Variants in ZNF808 observed in about 807,000 individuals in gnomAD.
ZNF808 encodes zinc finger protein 808.
Under a neutral mutation model 8.7 loss-of-function variants are expected in ZNF808, and 5 were observed. That is an observed-to-expected ratio of 0.58 (90% confidence interval 0.30 to 1.21). The LOEUF (loss-of-function observed/expected upper bound fraction) is 1.21, where lower values mean the gene tolerates loss of function less well. Ranked by LOEUF, ZNF808 falls within the 50% of genes most tolerant of loss-of-function variation. The pLI is 0.07. For synonymous variants in ZNF808, 380 were observed against 366.0 expected, an observed-to-expected ratio of 1.04 and a Z score of -0.44; for missense variants, 1,103 against 1,098.4, an observed-to-expected ratio of 1.00 and a Z score of -0.06.
intron 2 of ZNF808, among the ~76,000 whole-genome samples, chr19:52,535,536 A>T (rs1378277211): frequency 2.0e-5 from 3 of 152,060 alleles, no homozygotes; most frequent in Non-Finnish European, 4.4e-5. Flanking sequence ...TTTAGGCAGC[A>T]GGTGGTGACC....
At chr19:52,536,015 G>A in intron 2 of ZNF808, 1 of 166,202 alleles carries the variant, frequency 6.0e-6, no homozygotes, top group Non-Finnish European at 1.3e-5. Context: ...CCCCGAGGCG[G>A]ATCGCGTGGA....
At chr19:52,531,072 C>T (rs1184084387) in intron 1 of ZNF808, among the ~76,000 whole-genome samples, 3 of 152,166 alleles carry the variant, frequency 2.0e-5, no homozygotes, top group Non-Finnish European at 2.9e-5. Flanking sequence ...TCTCTTTAGG[C>T]AGGAGAATCA....
downstream of ZNF808, among the ~76,000 whole-genome samples, chr19:52,561,163 TCTCTCTCTCTCTCTCTCTCTCTCTC>T (rs2059855379): frequency 2.5e-4 from 17 of 67,158 alleles, no homozygotes; most frequent in East Asian, 8.7e-4. Context: ...ATCTGTTCTC[TCTCTCTCTCTCTCTCTCTCTCTCTC>T]TCTCTCTCTC....
intron 2 of ZNF808, among the ~76,000 whole-genome samples, chr19:52,537,854 T>C (rs685200): frequency 0.33 from 49,441 of 151,710 alleles, 8,663 homozygotes; most frequent in East Asian, 0.51. Context: ...GAGCCATGTA[T>C]GTTCTATAAA....
intron 1 of ZNF808, among the ~76,000 whole-genome samples, chr19:52,529,393 T>C (rs1016975759): frequency 2.6e-5 from 4 of 151,906 alleles, no homozygotes; most frequent in Admixed American, 1.3e-4. Context: ...AAAGAAAAAA[T>C]GGGGCGAGAG....
chr19:52,528,415 CAG>C (rs1191373770), intron 1 of ZNF808, among the ~76,000 whole-genome samples: 2 of 151,830 alleles, frequency 1.3e-5, no homozygotes, highest in Non-Finnish European at 2.9e-5. Flanking sequence ...AAACCTGAGA[CAG>C]AGAAAGAATA....
intron 3 of ZNF808, among the ~76,000 whole-genome samples, chr19:52,544,844 C>T (rs369892337): frequency 6.6e-6 from 1 of 152,074 alleles, no homozygotes; most frequent in Non-Finnish European, 1.5e-5. Context: ...ATTGTAGTGG[C>T]GGCATCTCAG....
chr19:52,528,562 AG>A (rs1278061272), intron 1 of ZNF808, among the ~76,000 whole-genome samples: 1 of 152,192 alleles, frequency 6.6e-6, no homozygotes, highest in Non-Finnish European at 1.5e-5. Flanking sequence ...TGTAGAGAAA[AG>A]CTAGATGTAC....
chr19:52,538,651 GC>G (rs1488387446), intron 2 of ZNF808, among the ~76,000 whole-genome samples: 1 of 143,112 alleles, frequency 7.0e-6, no homozygotes, highest in East Asian at 2.2e-4. Flanking sequence ...AAAGAATGGA[GC>G]AAAACAGGAG....
At chr19:52,530,754 C>G (rs1303764549) in intron 1 of ZNF808, among the ~76,000 whole-genome samples, 3 of 152,120 alleles carry the variant, frequency 2.0e-5, no homozygotes, top group African/African-American at 7.2e-5. Flanking sequence ...GAGCAAATCA[C>G]TGAAGGCCAG....
downstream of ZNF808, chr19:52,556,855 G>A (rs998739764): frequency 6.6e-6 from 1 of 152,110 alleles, no homozygotes; most frequent in Admixed American, 6.5e-5. Flanking sequence ...TCTTCAGCTG[G>A]GAGCTATTTA....
rs182037617 is a variant in ZNF808 at position 52,536,604 on chromosome 19, A to G, written c.-20+3595A>G. Among the ~76,000 whole-genome samples, 628 of 152,236 alleles carry G rather than the reference A, an allele frequency of 4.1e-3. 3 individuals are homozygous for G. The highest frequency in any genetic ancestry group is 0.014 in the African/African-American group (585 of 41,530). On this transcript the variant is annotated intron_variant, in intron 2 of 4. Transcript: ENST00000359798. ...AGGGCAGGTCCCAGCGGCTTGTCCT[A>G]TGACACCGGGTATTCTTGCCTGCCC...
intron 1 of ZNF808, among the ~76,000 whole-genome samples, chr19:52,531,251 A>T (rs570306848): frequency 4.6e-4 from 70 of 152,256 alleles, no homozygotes; most frequent in African/African-American, 1.6e-3. Context: ...ATGTGGGCGA[A>T]TCACCTGAGG....
exon 4 of ZNF808, chr19:52,564,023 CCCT>C (rs149830386): frequency 0.095 from 49,803 of 525,944 alleles, 4,423 homozygotes; most frequent in African/African-American, 0.35. Context: ...AGGTCTAGCC[CCCT>C]CTCCTCCTTT....
At chr19:52,567,580 A>G (rs932097472), downstream of ZNF808, among the ~76,000 whole-genome samples, 1 of 150,712 alleles carries the variant, frequency 6.6e-6, no homozygotes, top group Non-Finnish European at 1.5e-5. Context: ...GCTGGAGTAC[A>G]ATGTCATGAT....
At chr19:52,552,689 T>C (rs1047418950) in intron 4 of ZNF808, among the ~76,000 whole-genome samples, 2 of 145,504 alleles carry the variant, frequency 1.4e-5, no homozygotes, top group Non-Finnish European at 3.0e-5. Flanking sequence ...TTTACCAATA[T>C]AGTATGTTGT....
chr19:52,533,842 CCAAAA>C (rs1487018842), intron 2 of ZNF808, among the ~76,000 whole-genome samples: 2 of 55,240 alleles, frequency 3.6e-5, no homozygotes, highest in African/African-American at 1.5e-4. Context: ...GACTCCGTCT[CCAAAA>C]AAAAAAAAAA....
At chr19:52,533,749 A>G (rs1215664394) in intron 2 of ZNF808, among the ~76,000 whole-genome samples, 2 of 148,338 alleles carry the variant, frequency 1.3e-5, no homozygotes, top group Non-Finnish European at 3.0e-5. Flanking sequence ...CCAGCTACTC[A>G]GGAAAATTGT....
chr19:52,561,336 C>T (rs934293717), downstream of ZNF808, among the ~76,000 whole-genome samples: 2 of 151,578 alleles, frequency 1.3e-5, no homozygotes, highest in Non-Finnish European at 2.9e-5. Context: ...GTGCTGCACC[C>T]ATTAATTCAT....
Sources: allele counts gnomAD v4.1 joint callset (sites outside exome capture counted in the v4.1 genomes callset), GRCh38; gene constraint gnomAD v4.1.1; transcripts MANE v1.5; gene names NCBI Gene and HGNC (gene_info 2026-07-23, HGNC 2026-07-21).